Variants in ABCG5 observed in about 807,000 individuals in gnomAD.
The protein encoded by ABCG5 is ATP-binding cassette sub-family G member 5.
A neutral mutation model predicts 64.5 loss-of-function variants in ABCG5; 64 were observed. The ratio of observed to expected loss-of-function variants is 0.99; its 90% confidence interval spans 0.81 to 1.22. The LOEUF is 1.22. ABCG5 is among the 50% of genes most tolerant of loss of function. The probability of loss-of-function intolerance (pLI) is 0.00; values close to 1 mark genes in which losing one functional copy is unlikely to be tolerated. For missense variants in ABCG5, 908 were observed against 829.5 expected, an observed-to-expected ratio of 1.09 and a Z score of -1.16; for synonymous variants, 385 against 326.3, an observed-to-expected ratio of 1.18 and a Z score of -1.94.
intron 2 of ABCG5, among the ~76,000 whole-genome samples, chr2:43,834,290 A>C (rs1668126025): frequency 6.6e-6 from 1 of 152,212 alleles, no homozygotes; most frequent in Admixed American, 6.5e-5. Context: ...AGAAGCTGCA[A>C]ATATCCTGCA....
chr2:43,828,904 G>T (rs1195676982), intron 4 of ABCG5, among the ~76,000 whole-genome samples: 1 of 123,896 alleles, frequency 8.1e-6, no homozygotes, highest in Non-Finnish European at 1.7e-5. Flanking sequence ...GGCCAAGGTT[G>T]CAGTGAGGCA....
At position 43,813,221 on chromosome 2, in the gene ABCG5, T is replaced by G; in HGVS notation, c.1851A>C (p.Thr617=). 6.2e-7 allele frequency: 1 copy of G among 1,612,422 alleles called. No individual in the cohort carries two copies. The highest frequency in any genetic ancestry group is 8.5e-7 in the Non-Finnish European group (1 of 1,178,530). Residue 617 remains threonine, a synonymous_variant, in exon 13 of 13, where the codon ACA becomes ACC. Transcript: ENST00000405322. ...TCAGAAAGTTCATTGTGAATCTAGATGTTGCACCTGGGCAGGTTTTCTCAA... is the reference window on the plus strand; with the variant it reads ...TCAGAAAGTTCATTGTGAATCTAGAGGTTGCACCTGGGCAGGTTTTCTCAA... ...QFIEKTCPGA[T]SRFTMNFLIL...
chr2:43,808,703 A>T (rs992651149), downstream of ABCG5, among the ~76,000 whole-genome samples: 2 of 152,192 alleles, frequency 1.3e-5, no homozygotes, highest in African/African-American at 4.8e-5. Flanking sequence ...AAATGGAAGT[A>T]TCCTGCCCTC....
Position 43,838,551 on chromosome 2 carries a change from G to A in ABCG5, c.129C>T (p.Ala43=). The A allele has an allele frequency of 6.2e-7, 1 of 1,606,294 alleles. No homozygotes were observed. Residue 43 remains alanine (A), a synonymous_variant, in exon 1 of 13, where the codon GCC becomes GCT. Coordinates refer to ENST00000405322, the MANE Select transcript of ABCG5 (RefSeq NM_022436.3). The surrounding 1 kb of genome is among the most constrained non-coding windows in gnomAD (Gnocchi z 4.2). ...CTCTGCCTTACCTGACGCTGTAGGAGGCATGGAGGATGCCCAGGCTGTGAG... is the reference window on the plus strand; with the variant it reads ...CTCTGCCTTACCTGACGCTGTAGGAAGCATGGAGGATGCCCAGGCTGTGAG... The part of the protein sequence containing the change: ...PEPHSLGILH[A]SYSVSHRVRP...
chr2:43,816,039 A>G (rs1204707466), intron 11 of ABCG5, among the ~76,000 whole-genome samples: 1 of 152,140 alleles, frequency 6.6e-6, no homozygotes, highest in Non-Finnish European at 1.5e-5. Context: ...CTGAGGTAGG[A>G]ACTGTGAACC....
At chr2:43,830,239 T>G (rs1667879717) in intron 4 of ABCG5, among the ~76,000 whole-genome samples, 1 of 152,200 alleles carries the variant, frequency 6.6e-6, no homozygotes, top group South Asian at 2.1e-4. Flanking sequence ...GAAATGGAAT[T>G]CAGAGTCCCT....
intron 9 of ABCG5, among the ~76,000 whole-genome samples, chr2:43,823,697 C>T (rs1425609484): frequency 2.0e-5 from 3 of 152,300 alleles, no homozygotes; most frequent in Non-Finnish European, 4.4e-5. Context: ...TCATGTTTCC[C>T]TGGATCCTTA....
intron 10 of ABCG5, among the ~76,000 whole-genome samples, chr2:43,821,468 G>C (rs957561882): frequency 2.6e-5 from 4 of 152,144 alleles, no homozygotes; most frequent in Non-Finnish European, 5.9e-5. Context: ...CAGGATTTCA[G>C]AGTCTGAGGA....
At chr2:43,823,808 A>G (rs1360397119) in intron 9 of ABCG5, 105 bp downstream of exon 9, 7 of 1,336,236 alleles carry the variant, frequency 5.2e-6, no homozygotes, top group Non-Finnish European at 6.1e-6. Flanking sequence ...GGCTGGGTTT[A>G]GCTCAGAGAA....
rs963783666 is a variant in ABCG5, at chr2:43,838,113, C to G, written c.144-158G>C. On this transcript the variant is annotated intron_variant, in intron 1 of 12. Transcript: ENST00000405322. This position sits in a 1 kb window ranked among gnomAD's most constrained non-coding sequence, Gnocchi z 4.2. Reference sequence around the variant, plus strand: ...CTGCGCCCTCCTCTGTAGAACCTGGCAGATAGCGACTGAGGCTGTCTGCCA... The same window carrying G: ...CTGCGCCCTCCTCTGTAGAACCTGGGAGATAGCGACTGAGGCTGTCTGCCA... 18 of 953,500 alleles carry G rather than the reference C, an allele frequency of 1.9e-5. No individual in the cohort carries two copies. In the African/African-American group the frequency reaches 2.4e-4, roughly 13 times the overall value. 59.1% of individuals were successfully genotyped at this position (953,500 alleles called of 1,614,324 possible).
In ABCG5 at chr2:43,822,216, C is replaced by T. The variant is rs555728555; in HGVS notation, c.1463+581G>A. On this transcript the variant is annotated intron_variant, in intron 10 of 12. Coordinates refer to ENST00000405322, the MANE Select transcript of ABCG5 (RefSeq NM_022436.3). ...AAACCTGACTTGCACCCCCATGACTCTACCGAAGCTCTTTTTTGGGAAATT... is the reference window on the plus strand; with the variant it reads ...AAACCTGACTTGCACCCCCATGACTTTACCGAAGCTCTTTTTTGGGAAATT... 3.3e-5 allele frequency among the ~76,000 whole-genome samples: 5 copies of T among 152,296 alleles called. No individual in the cohort carries two copies. The South Asian group carries it at 8.3e-4, about 25-fold the overall frequency.
downstream of ABCG5, among the ~76,000 whole-genome samples, chr2:43,809,031 C>T (rs1246202622): frequency 6.6e-6 from 1 of 152,032 alleles, no homozygotes; most frequent in Admixed American, 6.6e-5. Context: ...CTCTGTCACC[C>T]AGGCTGGAGT....
At chr2:43,820,659 C>G (rs184218755) in intron 10 of ABCG5, among the ~76,000 whole-genome samples, 1 of 152,056 alleles carries the variant, frequency 6.6e-6, no homozygotes, top group South Asian at 2.1e-4. Flanking sequence ...ATTTGACCTT[C>G]GTTTTCTTTT....
At position 43,838,245 on chromosome 2, in the gene ABCG5, G is replaced by A. The variant is rs1668407900; in HGVS notation, c.144-290C>T. The A allele has an allele frequency of 8.4e-6, 5 of 592,974 alleles. No homozygotes were observed. Among genetic ancestry groups the A allele is most frequent in the South Asian group, 4.0e-5 (2 of 50,060 alleles). The allele number at this position is 592,974 out of a possible 1,614,324, so 36.7% of individuals were successfully genotyped here. On this transcript the variant is annotated intron_variant, in intron 1 of 12. Transcript: ENST00000405322. The surrounding 1 kb of genome is among the most constrained non-coding windows in gnomAD (Gnocchi z 4.2). The stretch of plus-strand genomic sequence containing the variant: ...CCAGGTTTCAAGACTCCTTGCATTC[G>A]CAGTACCCCCATTCCCATCCACAGA...
the ABCG5 span, among the ~76,000 whole-genome samples, chr2:43,806,436 T>G: frequency 2.0e-5 from 3 of 152,066 alleles, no homozygotes; most frequent in Non-Finnish European, 2.9e-5. Context: ...AGCAAAACAT[T>G]TTATGTAAAC....
chr2:43,816,203 A>G (rs927877786), intron 11 of ABCG5, among the ~76,000 whole-genome samples: 5 of 152,236 alleles, frequency 3.3e-5, no homozygotes, highest in Admixed American at 3.3e-4. Context: ...CTCAACAAAT[A>G]ATGTTTGCAG....
chr2:43,837,933 C>T lies in ABCG5; in HGVS notation c.166G>A (p.Asp56Asn). Reference sequence around the variant, plus strand: ...CACTGCTGCCGGCAAGATGTGATGTCCCACCAGGGCCTCACGCGGTGGCTT... The same window carrying T: ...CACTGCTGCCGGCAAGATGTGATGTTCCACCAGGGCCTCACGCGGTGGCTT... ...SVSHRVRPWWDITSCRQQWTR... is the reference protein window; with the variant it reads ...SVSHRVRPWWNITSCRQQWTR... The change falls in exon 2 of 13, where the codon GAC becomes AAC. Residue 56 changes from aspartate to asparagine, a missense_variant. Transcript: ENST00000405322. 1.2e-6 allele frequency: 2 copies of T among 1,614,044 alleles called. No individual in the cohort carries two copies. Among genetic ancestry groups the T allele is most frequent in the Non-Finnish European group, 1.7e-6 (2 of 1,179,974 alleles).
chr2:43,811,083 T>G (rs1299086291), downstream of ABCG5, among the ~76,000 whole-genome samples: 1 of 152,170 alleles, frequency 6.6e-6, no homozygotes. Flanking sequence ...TGCATATGAA[T>G]AGTAGAAAAT....
At position 43,813,709 on chromosome 2, in the gene ABCG5, GTTTTTTTTTTTTT is replaced by G. The variant is rs1214033245; in HGVS notation, c.1763-413_1763-401del. Among the ~76,000 whole-genome samples, 255 of 34,056 alleles carry G rather than the reference GTTTTTTTTTTTTT, an allele frequency of 7.5e-3. 2 individuals carry two copies. The highest frequency in any genetic ancestry group is 0.031 in the African/African-American group (243 of 7,818). The allele number at this position is 34,056 out of a possible 152,430, so 22.3% of individuals were successfully genotyped here. On this transcript the variant is annotated intron_variant, in intron 12 of 12. Coordinates refer to ENST00000405322, the MANE Select transcript of ABCG5 (RefSeq NM_022436.3). ...TGTTTTTTTTGGGGTTTTTTTTTTC[GTTTTTTTTTTTTT>G]TTTTTTTTTTTTTGAGACACAGTTT...
Sources: gnomAD v4.1 joint callset for allele counts (sites outside exome capture counted in the v4.1 genomes callset) on GRCh38, gnomAD v4.1.1 for gene constraint, Gnocchi (gnomAD v3.1) non-coding constraint, MANE v1.5 for transcripts, NCBI Gene and HGNC (gene_info 2026-07-23, HGNC 2026-07-21) for gene names.